KCNH5: variants seen among roughly 807,000 people sequenced by gnomAD.
KCNH5 encodes the protein potassium voltage-gated channel subfamily H member 5.
A neutral mutation model predicts 96.1 loss-of-function variants in KCNH5; 46 were observed. The ratio of observed to expected loss-of-function variants is 0.48; its 90% confidence interval spans 0.38 to 0.61. KCNH5 has a LOEUF of 0.61. KCNH5 is among the 20% of genes least tolerant of loss of function. The pLI is 0.00. For missense variants in KCNH5, 907 were observed against 1,225.8 expected (o/e 0.74, Z 3.88); for synonymous variants, 439 against 449.8 (o/e 0.98, Z 0.30).
intron 6 of KCNH5, among the ~76,000 whole-genome samples, chr14:62,978,728 T>A (rs1028767481): frequency 6.6e-6 from 1 of 151,982 alleles, no homozygotes; most frequent in African/African-American, 2.4e-5. Flanking sequence ...TAGTTATAAA[T>A]GTATTATTAA....
At chr14:62,711,247 C>T (rs1884560946) in intron 10 of KCNH5, among the ~76,000 whole-genome samples, 1 of 146,374 alleles carries the variant, frequency 6.8e-6, no homozygotes, top group Non-Finnish European at 1.5e-5. Context: ...CAACCAAGAA[C>T]AAACAAAAGT....
chr14:62,842,243 A>G (rs1171716418), intron 8 of KCNH5, among the ~76,000 whole-genome samples: 2 of 152,236 alleles, frequency 1.3e-5, no homozygotes. Flanking sequence ...TATTATAAAA[A>G]GTATTGCTTA....
chr14:62,921,604 A>G lies in KCNH5; in HGVS notation c.1369+28529T>C, dbSNP rs568399364. On this transcript the variant is annotated intron_variant, in intron 7 of 10. Transcript: ENST00000322893. Reference sequence around the variant, plus strand: ...AGCCATATGATTTCTCATAGCCATAAATGACCCAGGAAAGCTCTACACCTC... The same window carrying G: ...AGCCATATGATTTCTCATAGCCATAGATGACCCAGGAAAGCTCTACACCTC... 2.6e-5 allele frequency among the ~76,000 whole-genome samples: 4 copies of G among 152,166 alleles called. No individual in the cohort carries two copies. The South Asian group carries it at 8.3e-4, about 32-fold the overall frequency.
Position 62,994,681 on chromosome 14 carries a change from G to T in KCNH5, c.433+6650C>A, listed in dbSNP as rs189421675. Among the ~76,000 whole-genome samples the T allele has an allele frequency of 9.2e-5, 14 of 152,154 alleles. No homozygotes were observed. In the East Asian group the frequency reaches 2.5e-3, roughly 27 times the overall value. ...TTTGTGGGGAAAAAAGAAAGCAAGGGATTGAGGTAGTTAAACCTCAACAAT... is the reference window on the plus strand; with the variant it reads ...TTTGTGGGGAAAAAAGAAAGCAAGGTATTGAGGTAGTTAAACCTCAACAAT... On this transcript the variant is annotated intron_variant, in intron 4 of 10. Transcript: ENST00000322893.
chr14:62,714,128 T>TAA (rs138913725), intron 10 of KCNH5, among the ~76,000 whole-genome samples: 32 of 100,910 alleles, frequency 3.2e-4, no homozygotes, highest in Middle Eastern at 5.1e-3. Flanking sequence ...ACAATAAAAT[T>TAA]TAAAAAAAAA....
chr14:62,796,289 G>A (rs1447372787), intron 9 of KCNH5, among the ~76,000 whole-genome samples: 1 of 152,140 alleles, frequency 6.6e-6, no homozygotes, highest in Admixed American at 6.6e-5. Context: ...TAGGATTACA[G>A]GCATGAGCCA....
chr14:63,005,873 C>T (rs1386496756), intron 3 of KCNH5, among the ~76,000 whole-genome samples: 2 of 152,196 alleles, frequency 1.3e-5, no homozygotes, highest in Non-Finnish European at 2.9e-5. Context: ...ACAACGACTA[C>T]TTCTACTAGG....
chr14:62,871,243 TA>T (rs1266677152), intron 7 of KCNH5, among the ~76,000 whole-genome samples: 1 of 151,696 alleles, frequency 6.6e-6, no homozygotes, highest in African/African-American at 2.4e-5. Context: ...AAACCGTAGT[TA>T]ATAGTAGCCA....
intron 5 of KCNH5, 21 bp downstream of exon 5, chr14:62,987,051 C>A (rs1351183828): frequency 1.3e-6 from 2 of 1,548,126 alleles, no homozygotes; most frequent in Admixed American, 1.7e-5. Flanking sequence ...TCTTGGGAAG[C>A]AAAATTCATC....
intron 7 of KCNH5, among the ~76,000 whole-genome samples, chr14:62,892,492 C>T (rs565863218): frequency 3.3e-4 from 51 of 152,306 alleles, no homozygotes; most frequent in African/African-American, 1.2e-3. Flanking sequence ...GAAGCTTCAG[C>T]AAGTTATTCA....
chr14:62,834,507 A>G (rs546443323), intron 8 of KCNH5, among the ~76,000 whole-genome samples: 5 of 152,124 alleles, frequency 3.3e-5, no homozygotes, highest in African/African-American at 1.2e-4. Context: ...CTTCTGTATC[A>G]TACTTCAGAT....
chr14:62,833,143 G>GT (rs78468738), intron 8 of KCNH5, among the ~76,000 whole-genome samples: 16,269 of 150,920 alleles, frequency 0.11, 1,088 homozygotes, highest in East Asian at 0.29. Flanking sequence ...ACTATTCTCT[G>GT]TTTTTTTTGG....
chr14:62,731,580 T>A (rs1162744434), intron 10 of KCNH5, among the ~76,000 whole-genome samples: 1 of 152,174 alleles, frequency 6.6e-6, no homozygotes, highest in Non-Finnish European at 1.5e-5. Flanking sequence ...TTTTGCAATA[T>A]TTGCTTTAAT....
intron 9 of KCNH5, among the ~76,000 whole-genome samples, chr14:62,781,025 G>T (rs1355223146): frequency 2.6e-5 from 4 of 151,480 alleles, no homozygotes; most frequent in Admixed American, 6.6e-5. Flanking sequence ...AAAAGAAGAA[G>T]ACCTTTATCG....
chr14:62,848,962 G>A (rs1056787039), intron 8 of KCNH5, among the ~76,000 whole-genome samples: 1 of 152,164 alleles, frequency 6.6e-6, no homozygotes. Context: ...AATCAGCTGG[G>A]TGTAGGAAGT....
At chr14:62,852,919 C>T (rs192255169) in intron 7 of KCNH5, among the ~76,000 whole-genome samples, 18 of 152,214 alleles carry the variant, frequency 1.2e-4, no homozygotes, top group Non-Finnish European at 2.1e-4. Context: ...AAACTGCTAA[C>T]TCTCAAAATA....
chr14:63,034,081 G>C (rs10142265), intron 1 of KCNH5, among the ~76,000 whole-genome samples: 1 of 152,054 alleles, frequency 6.6e-6, no homozygotes, highest in Non-Finnish European at 1.5e-5. Context: ...CACCAAACCC[G>C]GCTAATTTTT....
intron 10 of KCNH5, among the ~76,000 whole-genome samples, chr14:62,752,884 G>C (rs1885533210): frequency 6.6e-6 from 1 of 152,134 alleles, no homozygotes; most frequent in Admixed American, 6.6e-5. Context: ...GGCCTTCCCA[G>C]TCATGCAGAA....
chr14:62,744,228 G>T (rs1378011040), intron 10 of KCNH5, among the ~76,000 whole-genome samples: 7 of 152,064 alleles, frequency 4.6e-5, no homozygotes, highest in African/African-American at 1.2e-4. Flanking sequence ...TTAGTTCCAG[G>T]ACTACTACTT....
Sources: gnomAD v4.1 joint callset for allele counts (sites outside exome capture counted in the v4.1 genomes callset) on GRCh38, gnomAD v4.1.1 for gene constraint, MANE v1.5 for transcripts, NCBI Gene and HGNC (gene_info 2026-07-23, HGNC 2026-07-21) for gene names.